The following LONP2 variants were observed in gnomAD, a reference collection of about 807,000 sequenced individuals.
LONP2 encodes lon peptidase 2, peroxisomal.
In LONP2, 60 loss-of-function variants were observed where a neutral mutation model predicts 85.6. The observed-to-expected ratio is 0.70, with a 90% CI of 0.57 to 0.87. LONP2 has a LOEUF of 0.87. LONP2 is among the 40% of genes least tolerant of loss of function. The pLI, the probability that LONP2 is intolerant of heterozygous loss-of-function variation, is 0.00. For missense variants in LONP2, 860 were observed against 1,063.5 expected (o/e 0.81, Z 2.66); for synonymous variants, 395 against 389.7 (o/e 1.01, Z -0.16).
At chr16:48,244,815 C>G (rs1220114168) in intron 1 of LONP2, among the ~76,000 whole-genome samples, 194 bp downstream of exon 1, 1 of 152,220 alleles carries the variant, frequency 6.6e-6, no homozygotes, top group East Asian at 1.9e-4. Context: ...TGAGATCGTT[C>G]ATGAAGTAGT....
At position 48,342,945 on chromosome 16, in the gene LONP2, A is replaced by G. The variant is rs1567351799; in HGVS notation, c.1939-4562A>G. On this transcript the variant is annotated intron_variant, in intron 12 of 14. Coordinates refer to ENST00000285737, the MANE Select transcript of LONP2 (RefSeq NM_031490.5). ...ATGTGGCACCGTGCTTGTCCTTGGA[A>G]AGAAGGCCTACAAAATTCTTCATAT... 2.0e-5 allele frequency among the ~76,000 whole-genome samples: 3 copies of G among 152,272 alleles called. No homozygotes were observed. The East Asian group carries it at 5.8e-4, about 29-fold the overall frequency.
At chr16:48,258,887 A>ATT in intron 4 of LONP2, 147 bp downstream of exon 4, 1 of 714,974 alleles carries the variant, frequency 1.4e-6, no homozygotes, top group Non-Finnish European at 2.1e-6. Flanking sequence ...CTTTGCCTGG[A>ATT]TTTTTTTTTA....
At chr16:48,350,193 C>T (rs1960097542) in intron 14 of LONP2, among the ~76,000 whole-genome samples, 1 of 152,168 alleles carries the variant, frequency 6.6e-6, no homozygotes, top group Non-Finnish European at 1.5e-5. Flanking sequence ...TGAGACCAGC[C>T]TGGCCAACAT....
At chr16:48,248,978 T>C (rs1971550325) in intron 1 of LONP2, among the ~76,000 whole-genome samples, 1 of 152,034 alleles carries the variant, frequency 6.6e-6, no homozygotes. Context: ...TTTCCAGTAG[T>C]GCTGCTTTTA....
At chr16:48,277,298 T>C in intron 7 of LONP2, 40 bp from the exon 8 acceptor site, 1 of 1,595,554 alleles carries the variant, frequency 6.3e-7, no homozygotes, top group South Asian at 1.1e-5. Flanking sequence ...TCCTGCCTCC[T>C]GACATCTCAC....
chr16:48,257,182 G>A (rs901154528), intron 3 of LONP2, among the ~76,000 whole-genome samples: 13 of 152,090 alleles, frequency 8.5e-5, no homozygotes, highest in South Asian at 6.2e-4. Context: ...GTGGTGGTGC[G>A]CGCCTATAAT....
At chr16:48,299,606 C>A in intron 9 of LONP2, 56 bp from the exon 10 acceptor site, 2 of 1,556,186 alleles carry the variant, frequency 1.3e-6, no homozygotes, top group South Asian at 1.2e-5. Flanking sequence ...AAAAACAAAG[C>A]ATGGCATTAT....
chr16:48,295,127 T>G (rs1346239516), intron 8 of LONP2, among the ~76,000 whole-genome samples: 3 of 152,172 alleles, frequency 2.0e-5, no homozygotes, highest in African/African-American at 7.2e-5. Context: ...ATCCCAGTAC[T>G]TTGGGAGACT....
At chr16:48,342,535 A>G (rs1030615959) in intron 12 of LONP2, among the ~76,000 whole-genome samples, 18 of 152,330 alleles carry the variant, frequency 1.2e-4, no homozygotes, top group African/African-American at 4.3e-4. Flanking sequence ...TGTGCCAAGA[A>G]AAGGCCCTAC....
intron 1 of LONP2, among the ~76,000 whole-genome samples, chr16:48,245,742 G>C (rs1422696945): frequency 6.6e-6 from 1 of 152,036 alleles, no homozygotes; most frequent in Non-Finnish European, 1.5e-5. Flanking sequence ...GAGTACTTGG[G>C]GTTAATAAAA....
intron 14 of LONP2, among the ~76,000 whole-genome samples, chr16:48,348,621 T>C (rs1960047302): frequency 6.6e-6 from 1 of 151,020 alleles, no homozygotes; most frequent in South Asian, 2.1e-4. Context: ...ATCTCCCGAA[T>C]AGCTGGGACT....
intron 3 of LONP2, among the ~76,000 whole-genome samples, chr16:48,257,685 A>T (rs1181349924): frequency 6.6e-6 from 1 of 152,208 alleles, no homozygotes; most frequent in African/African-American, 2.4e-5. Context: ...GCTCTTTCAT[A>T]TGTTATCAGT....
intron 4 of LONP2, among the ~76,000 whole-genome samples, chr16:48,259,833 TAG>T (rs1158127610): frequency 6.6e-6 from 1 of 152,220 alleles, no homozygotes; most frequent in African/African-American, 2.4e-5. Context: ...TCATTTTGTA[TAG>T]AGAGACAAAT....
chr16:48,260,182 T>C (rs1971845446), intron 4 of LONP2, among the ~76,000 whole-genome samples: 1 of 152,220 alleles, frequency 6.6e-6, no homozygotes. Flanking sequence ...ATGACTTATG[T>C]AAGAATAAAA....
At chr16:48,255,324 G>A (rs1215766865) in intron 2 of LONP2, among the ~76,000 whole-genome samples, 2 of 152,082 alleles carry the variant, frequency 1.3e-5, no homozygotes, top group Admixed American at 1.3e-4. Context: ...ATCTCTCATT[G>A]GCTTGTAATG....
chr16:48,328,339 T>A (rs1460365902), intron 11 of LONP2, among the ~76,000 whole-genome samples: 1 of 149,346 alleles, frequency 6.7e-6, no homozygotes, highest in African/African-American at 2.5e-5. Context: ...ATATCAGGAG[T>A]TCGAGACTAG....
At chr16:48,334,564 G>A (rs969193571) in intron 12 of LONP2, 24 of 693,822 alleles carry the variant, frequency 3.5e-5, no homozygotes, top group Non-Finnish European at 5.4e-5. Flanking sequence ...CACAGCTCTT[G>A]TGGCACATCA....
At chr16:48,323,589 C>T (rs1309162766) in intron 11 of LONP2, among the ~76,000 whole-genome samples, 1 of 149,634 alleles carries the variant, frequency 6.7e-6, no homozygotes, top group Non-Finnish European at 1.5e-5. Flanking sequence ...GCCTGGGAGG[C>T]GGAGGTTGCA....
At chr16:48,351,502 A>G in intron 14 of LONP2, 79 bp from the exon 15 acceptor site, 1 of 1,091,740 alleles carries the variant, frequency 9.2e-7, no homozygotes, top group African/African-American at 1.6e-5. Flanking sequence ...GGTTAAATTC[A>G]GTGAAAGAAA....
Sources: gnomAD v4.1 joint callset for allele counts (sites outside exome capture counted in the v4.1 genomes callset) on GRCh38, gnomAD v4.1.1 for gene constraint, MANE v1.5 for transcripts, NCBI Gene and HGNC (gene_info 2026-07-23, HGNC 2026-07-21) for gene names.